The following HAND2 variants were observed in gnomAD, a reference collection of about 807,000 sequenced individuals.
HAND2 encodes the protein heart- and neural crest derivatives-expressed protein 2.
Under a neutral mutation model 14.7 loss-of-function variants are expected in HAND2, and 2 were observed. That is an observed-to-expected ratio of 0.14 (90% CI 0.06 to 0.43). The LOEUF (loss-of-function observed/expected upper bound fraction) is 0.43. Among genes scored for constraint, HAND2 ranks in the 20% least tolerant of loss-of-function variants. HAND2 has a pLI of 0.99. For missense variants in HAND2, 275 were observed against 313.6 expected, an observed-to-expected ratio of 0.88 and a Z score of 0.93; for synonymous variants, 162 against 135.9, an observed-to-expected ratio of 1.19 and a Z score of -1.34.
chr4:173,529,262 G>A lies in HAND2; in HGVS notation c.28C>T (p.His10Tyr). 2 of 1,372,494 alleles carry A rather than the reference G, an allele frequency of 1.5e-6. No homozygotes were observed. Among genetic ancestry groups the A allele is most frequent in the Non-Finnish European group, 1.9e-6 (2 of 1,071,854 alleles). The allele number at this position is 1,372,494 out of a possible 1,614,324, so 85.0% of individuals were successfully genotyped here. A position where few individuals can be genotyped will look rare whatever the true frequency, so the allele number is the denominator to read the frequency against. ...TAGCCCTCGTGGTGCACCACCGGGT[G>A]GTGGGGAAAACCACCTACCAGACTC... MSLVGGFPH[H>Y]PVVHHEGYPF... is the part of the protein sequence containing the mutation. Residue 10 changes from histidine to tyrosine, a missense_variant, in exon 1 of 2, where the codon CAC (histidine) becomes TAC (tyrosine). By Grantham distance (83) the His-to-Tyr change is moderately conservative. Transcript: ENST00000359562.
rs1035777756 is a variant in HAND2, at chr4:173,529,333, C to A, written c.-44G>T. 6 of 1,263,860 alleles carry A rather than the reference C, an allele frequency of 4.7e-6. No individual in the cohort carries two copies. Among genetic ancestry groups the A allele is most frequent in the East Asian group, 3.2e-5 (1 of 31,512 alleles). The allele number at this position is 1,263,860 out of a possible 1,614,324, so 78.3% of individuals were successfully genotyped here. ...CCACGCGCCCCAGCGTGCGCGCAGC[C>A]CCGCCGCGCCCTCGGCCCGGGCCCC... On this transcript the variant is annotated 5_prime_UTR_variant, in exon 1 of 2. Transcript: ENST00000359562.
rs974312431 is a variant in HAND2, at chr4:173,528,718, C to T, written c.555+17G>A. ...TGACCCCCTCAGCCCCACCGCCTGC[C>T]GCCCCCTGGTACTGACCAGCTCCTT... On this transcript the variant is annotated intron_variant, in intron 1 of 1. Coordinates refer to ENST00000359562, the MANE Select transcript of HAND2 (RefSeq NM_021973.3). This position sits in a 1 kb window ranked among gnomAD's most constrained non-coding sequence, Gnocchi z 5.6. The T allele has an allele frequency of 5.0e-6, 8 of 1,607,374 alleles. No homozygotes were observed. The highest frequency in any genetic ancestry group is 5.1e-6 in the Non-Finnish European group (6 of 1,177,036).
rs1731482031 is a variant in HAND2, at chr4:173,527,188, CGCGGACG to C, written c.*82_*88del. On this transcript the variant is annotated 3_prime_UTR_variant, in exon 2 of 2. Coordinates refer to ENST00000359562, the MANE Select transcript of HAND2 (RefSeq NM_021973.3). ...AATGCAAGGAGTCCTCAGAGCGGAG[CGCGGACG>C]GCTTTTCCGGAGTCCTGGGTCTGCA... The C allele has an allele frequency of 3.6e-6, 3 of 838,040 alleles. No individual in the cohort carries two copies. The South Asian group carries it at 4.0e-5, about 11-fold the overall frequency. 51.9% of individuals were successfully genotyped at this position (838,040 alleles called of 1,614,324 possible). A position where few individuals can be genotyped will look rare whatever the true frequency, so the allele number is the denominator to read the frequency against.
At position 173,528,580 on chromosome 4, in the gene HAND2, G is replaced by A. The variant is rs928607662; in HGVS notation, c.555+155C>T. On this transcript the variant is annotated intron_variant, in intron 1 of 1. Transcript: ENST00000359562. This position sits in a 1 kb window ranked among gnomAD's most constrained non-coding sequence, Gnocchi z 5.6. ...CTCCCCTCAACTCTCTGCTTATGCC[G>A]GAAGCCATCCTTACACAACCTGGTG... The A allele has an allele frequency of 7.0e-6, 6 of 858,214 alleles. No individual in the cohort carries two copies. The highest frequency in any genetic ancestry group is 3.3e-5 in the African/African-American group (2 of 59,728). 53.2% of individuals were successfully genotyped at this position (858,214 alleles called of 1,614,324 possible). A position where few individuals can be genotyped will look rare whatever the true frequency, so the allele number is the denominator to read the frequency against.
chr4:173,526,776 C>G lies in HAND2; in HGVS notation c.*501G>C, dbSNP rs147228814. On this transcript the variant is annotated 3_prime_UTR_variant, in exon 2 of 2. Coordinates refer to ENST00000359562, the MANE Select transcript of HAND2 (RefSeq NM_021973.3). ...CAGATGAATGGATAGCACTAGATAC[C>G]GACCCCAACGGAAATGTTAGCGGCC... The G allele has an allele frequency of 5.7e-6, 2 of 353,628 alleles. No individual in the cohort carries two copies. Among genetic ancestry groups the G allele is most frequent in the Non-Finnish European group, 1.1e-5 (2 of 179,672 alleles). The allele number at this position is 353,628 out of a possible 1,614,324, so 21.9% of individuals were successfully genotyped here.
chr4:173,529,084 G>T lies in HAND2; in HGVS notation c.206C>A (p.Ala69Asp), dbSNP rs768515588. The T allele has an allele frequency of 2.5e-4, 377 of 1,508,454 alleles. No individual in the cohort carries two copies. Among genetic ancestry groups the T allele is most frequent in the Non-Finnish European group, 3.1e-4 (356 of 1,140,524 alleles). 93.4% of individuals were successfully genotyped at this position (1,508,454 alleles called of 1,614,324 possible). ...GTGGTCCAGGCCGGCGGCGCCGCTG[G>T]CATACTCGGGGCTGTAGGACAGGGC... is the stretch of plus-strand genomic sequence containing the variant. ...SMALSYSPEY[A>D]SGAAGLDHSH... Residue 69 changes from alanine to aspartate, a missense_variant, in exon 1 of 2, where the codon GCC becomes GAC. Transcript: ENST00000359562.
Position 173,529,299 on chromosome 4 carries a change from C to T in HAND2, c.-10G>A, listed in dbSNP as rs1221315074. On this transcript the variant is annotated 5_prime_UTR_variant, in exon 1 of 2. Coordinates refer to ENST00000359562, the MANE Select transcript of HAND2 (RefSeq NM_021973.3). ...CACCTACCAGACTCATTTCGCCCTCCGCGCCCCTCCACGCGCCCCAGCGTG... is the reference window on the plus strand; with the variant it reads ...CACCTACCAGACTCATTTCGCCCTCTGCGCCCCTCCACGCGCCCCAGCGTG... 1.5e-6 allele frequency: 2 copies of T among 1,310,924 alleles called. No individual in the cohort carries two copies. The highest frequency in any genetic ancestry group is 3.1e-5 in the East Asian group (1 of 32,118). 81.2% of individuals were successfully genotyped at this position (1,310,924 alleles called of 1,614,324 possible). A position where few individuals can be genotyped will look rare whatever the true frequency, so the allele number is the denominator to read the frequency against.
At position 173,528,992 on chromosome 4, in the gene HAND2, G is replaced by A. The variant is rs1357304858; in HGVS notation, c.298C>T (p.Arg100Cys). The change falls in exon 1 of 2, where the codon CGC becomes TGC. Residue 100 changes from arginine to cysteine, a missense_variant. Around this residue, in one of 4 missense-constraint regions of HAND2, gnomAD observed 175 missense variants for 157.1 expected, o/e 1.11. Transcript: ENST00000359562. The surrounding 1 kb of genome is among the most constrained non-coding windows in gnomAD (Gnocchi z 5.6). ...TCCTTGCGGTTGGCGGTGCCTCGGC[G>A]CTTCACCGGGCGCGGCCCCCCCAGG... ...PGLGGPRPVK[R>C]RGTANRKERR... is the part of the protein sequence containing the mutation. The A allele has an allele frequency of 6.2e-7, 1 of 1,610,974 alleles. No individual in the cohort carries two copies. The highest frequency in any genetic ancestry group is 8.5e-7 in the Non-Finnish European group (1 of 1,178,688).
intron 1 of HAND2, 69 bp from the exon 2 acceptor site, chr4:173,527,444 C>G: frequency 9.4e-7 from 1 of 1,060,808 alleles, no homozygotes; most frequent in East Asian, 2.4e-5. Flanking sequence ...TGGTTCCACA[C>G]CAACCCGGAG....
chr4:173,527,665 C>T (rs1454196385), intron 1 of HAND2: 2 of 431,108 alleles, frequency 4.6e-6, no homozygotes, highest in Admixed American at 7.5e-5. Flanking sequence ...TCTCTTACTC[C>T]AGATGTAGGG....
At position 173,528,495 on chromosome 4, in the gene HAND2, C is replaced by A. The variant is rs2110904760; in HGVS notation, c.555+240G>T. On this transcript the variant is annotated intron_variant, in intron 1 of 1. Transcript: ENST00000359562. This position sits in a 1 kb window ranked among gnomAD's most constrained non-coding sequence, Gnocchi z 5.6. ...CTAAGTACTAGGGGAGCAGCGATAACCCGGAGGTAAGATCACCAGCGCAAA... is the reference window on the plus strand; with the variant it reads ...CTAAGTACTAGGGGAGCAGCGATAAACCGGAGGTAAGATCACCAGCGCAAA... The A allele has an allele frequency of 3.5e-6, 2 of 564,100 alleles. No homozygotes were observed. The highest frequency in any genetic ancestry group is 1.9e-5 in the African/African-American group (1 of 53,100). The allele number at this position is 564,100 out of a possible 1,614,324, so 34.9% of individuals were successfully genotyped here. A position where few individuals can be genotyped will look rare whatever the true frequency, so the allele number is the denominator to read the frequency against.
chr4:173,527,265 T>C lies in HAND2; in HGVS notation c.*12A>G. On this transcript the variant is annotated 3_prime_UTR_variant, in exon 2 of 2. Coordinates refer to ENST00000359562, the MANE Select transcript of HAND2 (RefSeq NM_021973.3). Reference sequence around the variant, plus strand: ...CTCACTCGCGCTCTCCTCCTCCTCCTTCTCCTCCTCCTCACTGCTTGAGCT... The same window carrying C: ...CTCACTCGCGCTCTCCTCCTCCTCCCTCTCCTCCTCCTCACTGCTTGAGCT... 1 of 1,587,390 alleles carries C rather than the reference T, an allele frequency of 6.3e-7. No individual in the cohort carries two copies. Among genetic ancestry groups the C allele is most frequent in the Non-Finnish European group, 8.6e-7 (1 of 1,158,828 alleles).
chr4:173,526,567 T>C lies in HAND2; in HGVS notation c.*710A>G, dbSNP rs1440746142. 6.1e-6 allele frequency: 1 copy of C among 162,876 alleles called. No homozygotes were observed. Among genetic ancestry groups the C allele is most frequent in the East Asian group, 1.7e-4 (1 of 5,772 alleles). 10.1% of individuals were successfully genotyped at this position (162,876 alleles called of 1,614,324 possible). Reference sequence around the variant, plus strand: ...GAAAACAAGTATAACAGCTTTGTTTTCAAAACTCTTTTGAGGTATCAGCCA... The same window carrying C: ...GAAAACAAGTATAACAGCTTTGTTTCCAAAACTCTTTTGAGGTATCAGCCA... On this transcript the variant is annotated 3_prime_UTR_variant, in exon 2 of 2. Coordinates refer to ENST00000359562, the MANE Select transcript of HAND2 (RefSeq NM_021973.3).
Position 173,527,393 on chromosome 4 carries a change from G to C in HAND2, c.556-18C>G, listed in dbSNP as rs115738185. ...ATTTCGTTCTGGACAGAGGAAAGGCGAGGGCGAGAAAAGTGGAAAGAGAAA... is the reference window on the plus strand; with the variant it reads ...ATTTCGTTCTGGACAGAGGAAAGGCCAGGGCGAGAAAAGTGGAAAGAGAAA... On this transcript the variant is annotated intron_variant, in intron 1 of 1. Coordinates refer to ENST00000359562, the MANE Select transcript of HAND2 (RefSeq NM_021973.3). The C allele has an allele frequency of 0.012, 19,416 of 1,563,460 alleles. 182 individuals carry two copies. Among genetic ancestry groups the C allele is most frequent in the Non-Finnish European group, 0.015 (17,040 of 1,134,226 alleles).
intron 1 of HAND2, chr4:173,527,676 G>A (rs1402388541): frequency 2.5e-6 from 1 of 401,410 alleles, no homozygotes; most frequent in Non-Finnish European, 4.6e-6. Flanking sequence ...AGATGTAGGG[G>A]CGGGAGCTGG....
At position 173,527,273 on chromosome 4, in the gene HAND2, C is replaced by G. The variant is rs1459797055; in HGVS notation, c.*4G>C. 6.2e-7 allele frequency: 1 copy of G among 1,605,792 alleles called. No individual in the cohort carries two copies. Among genetic ancestry groups the G allele is most frequent in the Admixed American group, 1.7e-5 (1 of 59,998 alleles). On this transcript the variant is annotated 3_prime_UTR_variant, in exon 2 of 2. Coordinates refer to ENST00000359562, the MANE Select transcript of HAND2 (RefSeq NM_021973.3). ...CGCTCTCCTCCTCCTCCTTCTCCTC[C>G]TCCTCACTGCTTGAGCTCCAGGGCC...
rs1043521321 is a variant in HAND2 at position 173,528,640 on chromosome 4, A to T, written c.555+95T>A. The T allele has an allele frequency of 9.0e-6, 13 of 1,441,336 alleles. No homozygotes were observed. Among genetic ancestry groups the T allele is most frequent in the Non-Finnish European group, 1.2e-5 (13 of 1,056,976 alleles). 89.3% of individuals were successfully genotyped at this position (1,441,336 alleles called of 1,614,324 possible). A position where few individuals can be genotyped will look rare whatever the true frequency, so the allele number is the denominator to read the frequency against. ...TTGAAGCGGGACGCAGCCAAAGAAC[A>T]CGAGATGCCATTTCTCAGCCCAATT... On this transcript the variant is annotated intron_variant, in intron 1 of 1. Transcript: ENST00000359562. The surrounding 1 kb of genome is among the most constrained non-coding windows in gnomAD (Gnocchi z 5.6).
chr4:173,527,430 T>C, intron 1 of HAND2, 55 bp from the exon 2 acceptor site: 6 of 1,232,530 alleles, frequency 4.9e-6, no homozygotes, highest in Non-Finnish European at 7.2e-6. Context: ...TCAGAGAGGA[T>C]ACCTGGTTCC....
rs944321241 is a variant in HAND2, at chr4:173,529,785, C to T, written c.-496G>A. ...GAGTCTGAGCCGCGGCTGGAGGAGCCGGTCCAGCTGTGCCGGGGGGCGGCG... is the reference window on the plus strand; with the variant it reads ...GAGTCTGAGCCGCGGCTGGAGGAGCTGGTCCAGCTGTGCCGGGGGGCGGCG... On this transcript the variant is annotated 5_prime_UTR_variant, in exon 1 of 2. Transcript: ENST00000359562. The T allele has an allele frequency of 1.3e-5, 2 of 152,112 alleles. No individual in the cohort carries two copies. The highest frequency in any genetic ancestry group is 4.8e-5 in the African/African-American group (2 of 41,386). 9.4% of individuals were successfully genotyped at this position (152,112 alleles called of 1,614,324 possible).
Sources: allele counts gnomAD v4.1 joint callset, GRCh38; gene constraint gnomAD v4.1.1; regional missense constraint gnomAD v4.1.1; non-coding constraint Gnocchi (gnomAD v3.1); transcripts MANE v1.5; gene names NCBI Gene and HGNC (gene_info 2026-07-23, HGNC 2026-07-21).